SAMD13: variants seen among roughly 807,000 people sequenced by gnomAD.
SAMD13 encodes sterile alpha motif domain-containing protein 13.
A neutral mutation model predicts 12.4 loss-of-function variants in SAMD13; 9 were observed. The observed-to-expected ratio is 0.72, with a 90% CI of 0.44 to 1.26. The LOEUF (loss-of-function observed/expected upper bound fraction) is 1.26. Among genes scored for constraint, SAMD13 ranks in the 50% most tolerant of loss-of-function variants. SAMD13 has a pLI of 0.00. For missense variants in SAMD13, 84 were observed against 119.6 expected (o/e 0.70, Z 1.39); for synonymous variants, 46 against 45.4 (o/e 1.01, Z -0.05).
intron 2 of SAMD13, 28 bp from the exon 3 acceptor site, chr1:84,325,609 G>T: frequency 7.1e-7 from 1 of 1,398,848 alleles, no homozygotes; most frequent in South Asian, 1.2e-5. Context: ...GCACTGCCAT[G>T]ACAACTGTCT....
At chr1:84,315,334 C>T (rs1678809807) in intron 2 of SAMD13, among the ~76,000 whole-genome samples, 2 of 152,110 alleles carry the variant, frequency 1.3e-5, no homozygotes, top group African/African-American at 2.4e-5. Context: ...TGGAATCATG[C>T]AATATTTGTC....
intron 2 of SAMD13, among the ~76,000 whole-genome samples, chr1:84,311,087 G>A (rs1442843213): frequency 6.6e-6 from 1 of 151,986 alleles, no homozygotes; most frequent in Non-Finnish European, 1.5e-5. Context: ...TGTAATCCCA[G>A]CACTTTGGGA....
intron 2 of SAMD13, among the ~76,000 whole-genome samples, chr1:84,312,989 G>T (rs1199676991): frequency 6.6e-6 from 1 of 152,020 alleles, no homozygotes; most frequent in African/African-American, 2.4e-5. Flanking sequence ...AGATAGACAT[G>T]ATTATTATTA....
chr1:84,303,270 C>T lies in SAMD13; in HGVS notation c.36C>T (p.Gly12=), dbSNP rs1272370516. Residue 12 remains glycine, a synonymous_variant, in exon 2 of 4, where the codon GGC becomes GGT. Coordinates refer to ENST00000394834, the MANE Select transcript of SAMD13 (RefSeq NM_001134663.2). ...LSVDMENKEN[G]SVGVKNSMEN... ...TTGACATGGAAAACAAGGAAAATGG[C>T]TCTGTCGGTGTAAAAAAGTAAGTGA... 6.2e-7 allele frequency: 1 copy of T among 1,612,786 alleles called. No individual in the cohort carries two copies. Among genetic ancestry groups the T allele is most frequent in the African/African-American group, 1.3e-5 (1 of 75,010 alleles).
At chr1:84,348,653 C>G (rs566024755) in intron 3 of SAMD13, among the ~76,000 whole-genome samples, 1 of 152,286 alleles carries the variant, frequency 6.6e-6, no homozygotes, top group African/African-American at 2.4e-5. Flanking sequence ...TTTCAAACCA[C>G]TTTGTATATT....
rs902418141 is a variant in SAMD13, at chr1:84,302,961, T to G, written c.-32-242T>G. 4 of 344,740 alleles carry G rather than the reference T, an allele frequency of 1.2e-5. No homozygotes were observed. In the South Asian group the frequency reaches 1.6e-4, roughly 14 times the overall value. 21.4% of individuals were successfully genotyped at this position (344,740 alleles called of 1,614,324 possible). A position where few individuals can be genotyped will look rare whatever the true frequency, so the allele number is the denominator to read the frequency against. On this transcript the variant is annotated intron_variant, in intron 1 of 3. Coordinates refer to ENST00000394834, the MANE Select transcript of SAMD13 (RefSeq NM_001134663.2). ...TGTTTTCAACGAGGATTCAATTTCA[T>G]TTGCAAATGCTTATTGTCAAGGCAG...
intron 3 of SAMD13, among the ~76,000 whole-genome samples, chr1:84,333,293 T>G (rs776710134): frequency 2.1e-4 from 32 of 152,188 alleles, no homozygotes; most frequent in Non-Finnish European, 4.1e-4. Context: ...TGTAAATTGT[T>G]TTGGGCAGTA....
intron 3 of SAMD13, among the ~76,000 whole-genome samples, chr1:84,336,249 A>C (rs564997802): frequency 4.5e-4 from 69 of 152,172 alleles, no homozygotes; most frequent in African/African-American, 1.6e-3. Flanking sequence ...CATTCTTTTT[A>C]AATTTTTTTC....
Position 84,318,443 on chromosome 1 carries a change from G to A in SAMD13, c.54-7194G>A, listed in dbSNP as rs1430852018. ...GTTTTCCTGCTGCCATTGATTTCTAGTTTCATTCAATCAAAAAAGATATTT... is the reference window on the plus strand; with the variant it reads ...GTTTTCCTGCTGCCATTGATTTCTAATTTCATTCAATCAAAAAAGATATTT... On this transcript the variant is annotated intron_variant, in intron 2 of 3. Transcript: ENST00000394834. Among the ~76,000 whole-genome samples the A allele has an allele frequency of 2.6e-5, 4 of 151,810 alleles. No individual in the cohort carries two copies. In the East Asian group the frequency reaches 7.7e-4, roughly 29 times the overall value.
chr1:84,311,994 G>A (rs1678725428), intron 2 of SAMD13, among the ~76,000 whole-genome samples: 1 of 152,080 alleles, frequency 6.6e-6, no homozygotes, highest in Admixed American at 6.6e-5. Flanking sequence ...GTTGGTCTTA[G>A]GTTTTGTTAG....
chr1:84,301,213 G>T (rs1037429416), upstream of SAMD13, among the ~76,000 whole-genome samples: 11 of 152,204 alleles, frequency 7.2e-5, no homozygotes, highest in African/African-American at 2.7e-4. Context: ...CTCACAAAGA[G>T]ATTACTTAAA....
At chr1:84,304,719 G>T (rs1183596067) in intron 2 of SAMD13, among the ~76,000 whole-genome samples, 2 of 151,724 alleles carry the variant, frequency 1.3e-5, no homozygotes, top group Non-Finnish European at 2.9e-5. Flanking sequence ...TTATAAATTA[G>T]TTTGCTTCTT....
chr1:84,314,644 A>C (rs901688465), intron 2 of SAMD13, among the ~76,000 whole-genome samples: 3 of 152,040 alleles, frequency 2.0e-5, no homozygotes, highest in Non-Finnish European at 4.4e-5. Flanking sequence ...GGTTCCTGGA[A>C]TGCTCTTCTT....
At chr1:84,347,187 A>T (rs1352112768) in intron 3 of SAMD13, among the ~76,000 whole-genome samples, 1 of 152,148 alleles carries the variant, frequency 6.6e-6, no homozygotes, top group East Asian at 1.9e-4. Flanking sequence ...CATTTCCATT[A>T]TTCTCTATTC....
chr1:84,344,103 C>G (rs1679483173), intron 3 of SAMD13, among the ~76,000 whole-genome samples: 1 of 150,538 alleles, frequency 6.6e-6, no homozygotes, highest in Non-Finnish European at 1.5e-5. Flanking sequence ...AATACAGACC[C>G]TTTATCACCT....
intron 2 of SAMD13, 107 bp from the exon 3 acceptor site, chr1:84,325,530 T>C: frequency 1.4e-6 from 1 of 691,744 alleles, no homozygotes; most frequent in Admixed American, 2.3e-5. Context: ...AATCATCATC[T>C]GAACCCAAAA....
At chr1:84,324,868 T>G (rs986056988) in intron 2 of SAMD13, among the ~76,000 whole-genome samples, 1 of 152,180 alleles carries the variant, frequency 6.6e-6, no homozygotes, top group African/African-American at 2.4e-5. Context: ...GACAAATGCT[T>G]GATTGTTATC....
At chr1:84,307,933 G>A (rs1233708986) in intron 2 of SAMD13, among the ~76,000 whole-genome samples, 1 of 152,036 alleles carries the variant, frequency 6.6e-6, no homozygotes, top group African/African-American at 2.4e-5. Flanking sequence ...CCCTGCCTCA[G>A]GTAGTTTCCT....
intron 2 of SAMD13, among the ~76,000 whole-genome samples, chr1:84,319,040 T>C (rs1031994262): frequency 1.3e-5 from 2 of 152,158 alleles, no homozygotes; most frequent in African/African-American, 4.8e-5. Flanking sequence ...TGACTATATA[T>C]CTTTTATACA....
Sources: gnomAD v4.1 joint callset for allele counts (sites outside exome capture counted in the v4.1 genomes callset) on GRCh38, gnomAD v4.1.1 for gene constraint, MANE v1.5 for transcripts, NCBI Gene and HGNC (gene_info 2026-07-23, HGNC 2026-07-21) for gene names.